The following MCPH1 variants were observed in gnomAD, a reference collection of about 807,000 sequenced individuals.
The protein encoded by MCPH1 is microcephalin 1.
In MCPH1, 104 loss-of-function variants were observed where a neutral mutation model predicts 84.5. The observed-to-expected ratio is 1.23, with a 90% CI of 1.05 to 1.45. MCPH1 has a LOEUF of 1.45. MCPH1 is among the 40% of genes most tolerant of loss of function. The pLI is 0.00. For missense variants in MCPH1, 1,498 were observed against 1,005.7 expected, an observed-to-expected ratio of 1.49 and a Z score of -6.62; for synonymous variants, 514 against 366.8, an observed-to-expected ratio of 1.40 and a Z score of -4.58.
intron 9 of MCPH1, among the ~76,000 whole-genome samples, chr8:6,470,725 C>A (rs1246178666): frequency 6.6e-6 from 1 of 152,280 alleles, no homozygotes; most frequent in Non-Finnish European, 1.5e-5. Context: ...CGATGCCCTG[C>A]CAGTGGCCAT....
intron 6 of MCPH1, 43 bp downstream of exon 6, chr8:6,439,139 A>T (rs1803111797): frequency 6.3e-7 from 1 of 1,581,516 alleles, no homozygotes; most frequent in African/African-American, 1.3e-5. Flanking sequence ...CAAATAGCCG[A>T]TTCAATTATG....
intron 2 of MCPH1, 34 bp downstream of exon 2, chr8:6,409,404 C>T (rs754143248): frequency 1.3e-6 from 2 of 1,484,674 alleles, no homozygotes; most frequent in Non-Finnish European, 9.4e-7. Context: ...ATTCATATGA[C>T]AGTCTTCTGA....
intron 9 of MCPH1, among the ~76,000 whole-genome samples, chr8:6,476,574 G>A (rs747285884): frequency 3.2e-4 from 49 of 152,164 alleles, no homozygotes; most frequent in South Asian, 1.7e-3. Flanking sequence ...GCAGACAAAC[G>A]AAAAATACTA....
intron 12 of MCPH1, among the ~76,000 whole-genome samples, chr8:6,545,158 G>A (rs1031501946): frequency 2.0e-5 from 3 of 152,116 alleles, no homozygotes; most frequent in Non-Finnish European, 2.9e-5. Flanking sequence ...ATAGAAGTCA[G>A]AATAATGTCT....
At chr8:6,531,402 C>T (rs1167165071) in intron 12 of MCPH1, among the ~76,000 whole-genome samples, 1 of 151,872 alleles carries the variant, frequency 6.6e-6, no homozygotes, top group Non-Finnish European at 1.5e-5. Context: ...AATTCTCCTG[C>T]CTCAGCCTCC....
intron 12 of MCPH1, among the ~76,000 whole-genome samples, chr8:6,576,732 G>A (rs1404586544): frequency 6.7e-5 from 5 of 75,104 alleles, no homozygotes; most frequent in South Asian, 5.0e-4. Context: ...TTTTTTAGTA[G>A]AGATGGGTTT....
At chr8:6,529,711 C>T (rs1483942135) in intron 12 of MCPH1, among the ~76,000 whole-genome samples, 1 of 150,782 alleles carries the variant, frequency 6.6e-6, no homozygotes, top group Non-Finnish European at 1.5e-5. Context: ...GCGATCCACC[C>T]ACCTCGGCCT....
intron 2 of MCPH1, among the ~76,000 whole-genome samples, chr8:6,410,648 A>G (rs532771020): frequency 2.6e-5 from 4 of 152,162 alleles, no homozygotes; most frequent in Non-Finnish European, 5.9e-5. Flanking sequence ...GGGTTTTACA[A>G]AAGGGAAAAG....
chr8:6,631,986 G>T (rs1563218179), intron 13 of MCPH1, among the ~76,000 whole-genome samples: 1 of 152,180 alleles, frequency 6.6e-6, no homozygotes, highest in Non-Finnish European at 1.5e-5. Flanking sequence ...CCATACAGTG[G>T]AATATTATTC....
intron 12 of MCPH1, among the ~76,000 whole-genome samples, chr8:6,503,644 T>C (rs1812648215): frequency 6.6e-6 from 1 of 152,202 alleles, no homozygotes; most frequent in Non-Finnish European, 1.5e-5. Flanking sequence ...CCCAGCAACA[T>C]GGTGGGCTGG....
intron 12 of MCPH1, among the ~76,000 whole-genome samples, chr8:6,533,549 A>G (rs1819927459): frequency 6.7e-6 from 1 of 149,106 alleles, no homozygotes; most frequent in South Asian, 2.1e-4. Context: ...GCGTAACTCC[A>G]GATACTTAGC....
At chr8:6,603,740 G>T (rs182620411) in intron 12 of MCPH1, among the ~76,000 whole-genome samples, 31 of 152,240 alleles carry the variant, frequency 2.0e-4, no homozygotes, top group Non-Finnish European at 4.6e-4. Context: ...TTAAGAAGAG[G>T]ATCCAAACTG....
intron 12 of MCPH1, among the ~76,000 whole-genome samples, chr8:6,613,468 C>T (rs1168087587): frequency 6.6e-6 from 1 of 151,588 alleles, no homozygotes; most frequent in Non-Finnish European, 1.5e-5. Context: ...GGGCTGTGTG[C>T]TGGTTTAGGG....
chr8:6,413,410 G>C (rs1264581737), intron 2 of MCPH1, among the ~76,000 whole-genome samples: 1 of 150,688 alleles, frequency 6.6e-6, no homozygotes, highest in Non-Finnish European at 1.5e-5. Context: ...GGGCCTTTGT[G>C]GGGGATTCTT....
chr8:6,453,591 G>C (rs1160814016), intron 8 of MCPH1, among the ~76,000 whole-genome samples: 3 of 152,056 alleles, frequency 2.0e-5, no homozygotes, highest in Admixed American at 2.0e-4. Flanking sequence ...AGAGCACTAC[G>C]TCCCAAATTA....
chr8:6,591,930 C>T (rs924783506), intron 12 of MCPH1, among the ~76,000 whole-genome samples: 1 of 152,072 alleles, frequency 6.6e-6, no homozygotes, highest in Non-Finnish European at 1.5e-5. Flanking sequence ...TAAAATTTTT[C>T]AGAATACAAT....
intron 13 of MCPH1, among the ~76,000 whole-genome samples, chr8:6,642,326 G>A (rs1474848372): frequency 6.6e-6 from 1 of 152,106 alleles, no homozygotes. Context: ...AAAGAGGGAG[G>A]GGTTGTTTCC....
intron 3 of MCPH1, 40 bp from the exon 4 acceptor site, chr8:6,431,459 A>C (rs1341032239): frequency 6.8e-7 from 1 of 1,468,456 alleles, no homozygotes; most frequent in Admixed American, 1.7e-5. Context: ...TGTATAATAG[A>C]AGCAAATACT....
At chr8:6,541,295 C>G (rs1481377209) in intron 12 of MCPH1, among the ~76,000 whole-genome samples, 2 of 152,140 alleles carry the variant, frequency 1.3e-5, no homozygotes, top group Non-Finnish European at 2.9e-5. Context: ...GTGCCCACCC[C>G]AAGTCTCATG....
Sources: allele counts gnomAD v4.1 joint callset (sites outside exome capture counted in the v4.1 genomes callset), GRCh38; gene constraint gnomAD v4.1.1; transcripts MANE v1.5; gene names NCBI Gene and HGNC (gene_info 2026-07-23, HGNC 2026-07-21).